BAMBI: variants seen among roughly 807,000 people sequenced by gnomAD.
BAMBI encodes BMP and activin membrane bound inhibitor, also known as BMP and activin membrane-bound inhibitor homolog.
A neutral mutation model predicts 24.1 loss-of-function variants in BAMBI; 21 were observed. That is an observed-to-expected ratio of 0.87 (90% CI 0.62 to 1.26). The LOEUF (loss-of-function observed/expected upper bound fraction) is 1.26, where lower values mean the gene tolerates loss of function less well. Among genes scored for constraint, BAMBI ranks in the 50% most tolerant of loss-of-function variants. The probability of loss-of-function intolerance (pLI) is 0.00; values close to 1 mark genes in which losing one functional copy is unlikely to be tolerated. For missense variants in BAMBI, 388 were observed against 329.1 expected, an observed-to-expected ratio of 1.18 and a Z score of -1.38; for synonymous variants, 156 against 123.1, an observed-to-expected ratio of 1.27 and a Z score of -1.77.
At chr10:28,679,977 G>C (rs1834480651) in intron 1 of BAMBI, among the ~76,000 whole-genome samples, 1 of 152,182 alleles carries the variant, frequency 6.6e-6, no homozygotes, top group Non-Finnish European at 1.5e-5. Context: ...GTTTTCCTTA[G>C]AACCGAAGCA....
rs1484719597 is a variant in BAMBI, at chr10:28,682,372, A to G, written c.754A>G (p.Ser252Gly). ...CTCGCTTGTTCACTGGGGCATGTAC[A>G]GTGGGCACGGGAAGCTGGAATTCGT... ...ILSLVHWGMY[S>G]GHGKLEFV Residue 252 changes from serine to glycine, a missense_variant, in exon 3 of 3, where the codon AGT becomes GGT. Transcript: ENST00000375533. 1.2e-6 allele frequency: 2 copies of G among 1,611,722 alleles called. No individual in the cohort carries two copies. The highest frequency in any genetic ancestry group is 8.5e-7 in the Non-Finnish European group (1 of 1,177,922).
intron 1 of BAMBI, among the ~76,000 whole-genome samples, chr10:28,678,372 AGT>A (rs2132944339): frequency 6.6e-6 from 1 of 152,112 alleles, no homozygotes; most frequent in South Asian, 2.1e-4. Context: ...TATTTCTGTG[AGT>A]GTGTCTCTGA....
At chr10:28,680,319 T>C (rs188007572) in intron 1 of BAMBI, among the ~76,000 whole-genome samples, 46 of 152,306 alleles carry the variant, frequency 3.0e-4, no homozygotes, top group African/African-American at 1.1e-3. Flanking sequence ...AAGCCTCCAA[T>C]CTTGCCCTGC....
In BAMBI at chr10:28,682,396, G is replaced by A. The variant is rs774017062; in HGVS notation, c.778G>A (p.Val260Ile). Residue 260 changes from valine to isoleucine, a missense_variant, in exon 3 of 3, where the codon GTA (valine) becomes ATA (isoleucine). By Grantham distance (29) the Val-to-Ile change is conservative. Transcript: ENST00000375533. The part of the protein sequence containing the change: ...MYSGHGKLEF[V>I] The stretch of plus-strand genomic sequence containing the variant: ...CAGTGGGCACGGGAAGCTGGAATTC[G>A]TATGACGGAGTCTTATCTGAACTAC... 19 of 1,608,644 alleles carry A rather than the reference G, an allele frequency of 1.2e-5. No individual in the cohort carries two copies. Among genetic ancestry groups the A allele is most frequent in the South Asian group, 4.4e-5 (4 of 90,870 alleles).
intron 1 of BAMBI, among the ~76,000 whole-genome samples, chr10:28,680,781 T>TAGTTA (rs1289378344): frequency 2.6e-5 from 4 of 152,246 alleles, no homozygotes; most frequent in Non-Finnish European, 5.9e-5. Flanking sequence ...GTTGTGTTTC[T>TAGTTA]AGTTAATAAC....
intron 1 of BAMBI, among the ~76,000 whole-genome samples, chr10:28,678,789 T>C (rs1223884816): frequency 1.3e-5 from 2 of 149,998 alleles, no homozygotes; most frequent in Non-Finnish European, 2.9e-5. Flanking sequence ...AGCGTCTCAC[T>C]GCCACTCACC....
intron 2 of BAMBI, chr10:28,681,769 A>G (rs1360955680): frequency 1.4e-6 from 1 of 732,784 alleles, no homozygotes; most frequent in East Asian, 2.7e-5. Flanking sequence ...AACATTTTGA[A>G]GACATTAAAA....
chr10:28,679,377 A>G (rs675558), intron 1 of BAMBI, among the ~76,000 whole-genome samples: 112,857 of 152,142 alleles, frequency 0.74, 42,801 homozygotes, highest in East Asian at 0.95. Flanking sequence ...CGAGAAGGGG[A>G]CAGAAACAGA....
At chr10:28,680,184 A>C (rs1328940399) in intron 1 of BAMBI, among the ~76,000 whole-genome samples, 1 of 152,144 alleles carries the variant, frequency 6.6e-6, no homozygotes, top group Middle Eastern at 3.2e-3. Context: ...GGGAAACTGG[A>C]AGAGGCGTGT....
At position 28,682,016 on chromosome 10, in the gene BAMBI, GA is replaced by G. The variant is rs756296238; in HGVS notation, c.401del (p.Asn134ThrfsTer9). 1 of 1,614,038 alleles carries G rather than the reference GA, an allele frequency of 6.2e-7. No individual in the cohort carries two copies. Among genetic ancestry groups the G allele is most frequent in the Non-Finnish European group, 8.5e-7 (1 of 1,179,898 alleles). On this transcript the variant is annotated frameshift_variant, in exon 3 of 3. Transcript: ENST00000375533. LOFTEE classifies it high-confidence loss of function. The part of the protein sequence containing the change: ...QGNRYQHDGS[R>X]NLITKVQELT... Reference sequence around the variant, plus strand: ...AACAGGTATCAGCATGATGGTAGCAGAAACCTTATCACCAAGGTGCAGGAGC... The same window carrying G: ...AACAGGTATCAGCATGATGGTAGCAGAACCTTATCACCAAGGTGCAGGAGC...
chr10:28,678,660 T>G (rs1308310465), intron 1 of BAMBI, among the ~76,000 whole-genome samples: 1 of 152,148 alleles, frequency 6.6e-6, no homozygotes, highest in African/African-American at 2.4e-5. Flanking sequence ...AGTGTGTCTC[T>G]GCGTACATCT....
chr10:28,682,189 C>G lies in BAMBI; in HGVS notation c.571C>G (p.Leu191Val). 1 of 1,614,154 alleles carries G rather than the reference C, an allele frequency of 6.2e-7. No individual in the cohort carries two copies. Among genetic ancestry groups the G allele is most frequent in the Non-Finnish European group, 8.5e-7 (1 of 1,180,024 alleles). Residue 191 changes from leucine to valine, a missense_variant, in exon 3 of 3, where the codon CTC (leucine) becomes GTC (valine). Leu to Val is a conservative substitution (Grantham distance 32). Coordinates refer to ENST00000375533, the MANE Select transcript of BAMBI (RefSeq NM_012342.3). Reference protein sequence around the residue: ...KRLQDQRQQMLSRLHYSFHGH... With the variant: ...KRLQDQRQQMVSRLHYSFHGH... ...GCTGCAGGATCAGCGGCAACAGATG[C>G]TCTCCCGTTTGCACTACAGCTTTCA...
At chr10:28,678,263 C>T (rs1029539899) in intron 1 of BAMBI, among the ~76,000 whole-genome samples, 2 of 152,174 alleles carry the variant, frequency 1.3e-5, no homozygotes. Flanking sequence ...GACGCCGCCG[C>T]TTCCGCACCC....
At position 28,681,376 on chromosome 10, in the gene BAMBI, C is replaced by T; in HGVS notation, c.195C>T (p.Leu65=). The stretch of plus-strand genomic sequence containing the variant: ...ATCCTCAGAACTCAAATTCCCCACT[C>T]ACCCATGGCTGCCTGGACTCTCTTG... ...LLDPQNSNSP[L]THGCLDSLAS... The change falls in exon 2 of 3, where the codon CTC becomes CTT. Residue 65 remains leucine (L), a synonymous_variant. Transcript: ENST00000375533. 6.2e-7 allele frequency: 1 copy of T among 1,614,236 alleles called. No individual in the cohort carries two copies. Among genetic ancestry groups the T allele is most frequent in the Non-Finnish European group, 8.5e-7 (1 of 1,180,042 alleles).
rs1434136402 is a variant in BAMBI, at chr10:28,677,789, C to T, written c.-109C>T. ...AAACCCAGCCCCGCCGCTGACGGCGCCCGCCGCTCCGGGCAGGGCCCATGC... is the reference window on the plus strand; with the variant it reads ...AAACCCAGCCCCGCCGCTGACGGCGTCCGCCGCTCCGGGCAGGGCCCATGC... On this transcript the variant is annotated 5_prime_UTR_variant, in exon 1 of 3. Transcript: ENST00000375533. 2.7e-6 allele frequency: 2 copies of T among 738,952 alleles called. No individual in the cohort carries two copies. The highest frequency in any genetic ancestry group is 3.6e-6 in the Non-Finnish European group (2 of 554,720). The allele number at this position is 738,952 out of a possible 1,614,324, so 45.8% of individuals were successfully genotyped here.
At chr10:28,678,581 C>T (rs980851992) in intron 1 of BAMBI, among the ~76,000 whole-genome samples, 24 of 152,190 alleles carry the variant, frequency 1.6e-4, no homozygotes, top group Admixed American at 9.2e-4. Context: ...GTGTGTCTTT[C>T]TGAATGCATT....
At position 28,682,420 on chromosome 10, in the gene BAMBI, ACACTT is replaced by A. The variant is rs750516912; in HGVS notation, c.*20_*24del. 4 of 1,596,374 alleles carry A rather than the reference ACACTT, an allele frequency of 2.5e-6. No homozygotes were observed. Among genetic ancestry groups the A allele is most frequent in the Non-Finnish European group, 3.4e-6 (4 of 1,167,524 alleles). Reference sequence around the variant, plus strand: ...CGTATGACGGAGTCTTATCTGAACTACACTTACTGAACAGCTTGAAGGCCTTTTGA... The same window carrying A: ...CGTATGACGGAGTCTTATCTGAACTAACTGAACAGCTTGAAGGCCTTTTGA... On this transcript the variant is annotated 3_prime_UTR_variant, in exon 3 of 3. Coordinates refer to ENST00000375533, the MANE Select transcript of BAMBI (RefSeq NM_012342.3).
In BAMBI at chr10:28,681,336, T is replaced by A. The variant is rs764901219; in HGVS notation, c.155T>A (p.Phe52Tyr). 6.2e-7 allele frequency: 1 copy of A among 1,614,168 alleles called. No individual in the cohort carries two copies. The change falls in exon 2 of 3, where the codon TTC becomes TAC. Residue 52 changes from phenylalanine to tyrosine, a missense_variant. Transcript: ENST00000375533. ...TGTAAATCTGAGCTCAGCGCCTGCT[T>A]CTCTAGACTTCTTGATCCTCAGAAC... ...YMCKSELSAC[F>Y]SRLLDPQNSN...
chr10:28,678,067 C>T (rs1259381852), intron 1 of BAMBI, 94 bp downstream of exon 1: 6 of 1,142,968 alleles, frequency 5.2e-6, no homozygotes, highest in Non-Finnish European at 6.0e-6. Flanking sequence ...AGGCGAGGCT[C>T]CCTCCTGCGC....
Sources: allele counts gnomAD v4.1 joint callset (sites outside exome capture counted in the v4.1 genomes callset), GRCh38; gene constraint gnomAD v4.1.1; transcripts MANE v1.5; gene names NCBI Gene and HGNC (gene_info 2026-07-23, HGNC 2026-07-21).